EFNA5: variants seen among roughly 807,000 people sequenced by gnomAD.
EFNA5 encodes ephrin A5.
EFNA5 carries 5 observed loss-of-function variants against 22.9 expected under a neutral mutation model. The ratio of observed to expected loss-of-function variants is 0.22; its 90% CI spans 0.11 to 0.46. The LOEUF is 0.46. Among genes scored for constraint, EFNA5 ranks in the 20% least tolerant of loss-of-function variants. The probability of loss-of-function intolerance (pLI) is 0.99; values close to 1 mark genes in which losing one functional copy is unlikely to be tolerated. For missense variants in EFNA5, 237 were observed against 293.3 expected, an observed-to-expected ratio of 0.81 and a Z score of 1.40; for synonymous variants, 113 against 112.2, an observed-to-expected ratio of 1.01 and a Z score of -0.04.
chr5:107,562,449 A>C (rs1748569906), intron 1 of EFNA5, among the ~76,000 whole-genome samples: 1 of 152,074 alleles, frequency 6.6e-6, no homozygotes, highest in Non-Finnish European at 1.5e-5. Context: ...TTGTGAAATG[A>C]AGTTGAAAGT....
chr5:107,509,022 T>C (rs1747306693), intron 1 of EFNA5, among the ~76,000 whole-genome samples: 1 of 152,204 alleles, frequency 6.6e-6, no homozygotes, highest in Non-Finnish European at 1.5e-5. Flanking sequence ...AGGAGCAAAC[T>C]TCAGGTTTCA....
intron 1 of EFNA5, among the ~76,000 whole-genome samples, chr5:107,504,035 T>A (rs769672288): frequency 2.6e-5 from 4 of 152,276 alleles, no homozygotes; most frequent in Non-Finnish European, 5.9e-5. Flanking sequence ...CTTTTATACA[T>A]CAATCAGTCT....
intron 1 of EFNA5, among the ~76,000 whole-genome samples, chr5:107,534,289 T>C (rs1311069704): frequency 6.6e-6 from 1 of 152,208 alleles, no homozygotes; most frequent in Non-Finnish European, 1.5e-5. Flanking sequence ...CTTCCTTCTG[T>C]AAGGAACATT....
chr5:107,555,012 G>A (rs902780837), intron 1 of EFNA5, among the ~76,000 whole-genome samples: 3 of 152,114 alleles, frequency 2.0e-5, no homozygotes, highest in Admixed American at 6.6e-5. Flanking sequence ...CATTCAACTC[G>A]ATCTGGAGCT....
chr5:107,460,475 G>T (rs756040977), intron 1 of EFNA5, among the ~76,000 whole-genome samples: 36 of 152,292 alleles, frequency 2.4e-4, no homozygotes, highest in South Asian at 6.2e-4. Flanking sequence ...ATGAGGCTCA[G>T]TTGCAGTCTG....
chr5:107,486,008 A>G (rs1311037959), intron 1 of EFNA5, among the ~76,000 whole-genome samples: 2 of 152,212 alleles, frequency 1.3e-5, no homozygotes, highest in Non-Finnish European at 2.9e-5. Flanking sequence ...ACGTGCCAAG[A>G]CAATGTCATG....
chr5:107,670,143 C>A (rs1310174168), intron 1 of EFNA5, among the ~76,000 whole-genome samples: 1 of 151,910 alleles, frequency 6.6e-6, no homozygotes, highest in African/African-American at 2.4e-5. Context: ...ACTGGGGGCT[C>A]CCCGCGCCGG....
rs114574949 is a variant in EFNA5, at chr5:107,597,924, T to C, written c.125+72565A>G. Among the ~76,000 whole-genome samples the C allele has an allele frequency of 7.1e-3, 1,083 of 152,258 alleles. 15 individuals are homozygous for C. The highest frequency in any genetic ancestry group is 0.025 in the African/African-American group (1,057 of 41,558). ...GAAAAATGGAGAAGTATTAAACAAATGGAGAGACCTAATAATTATCTGTAA... is the reference window on the plus strand; with the variant it reads ...GAAAAATGGAGAAGTATTAAACAAACGGAGAGACCTAATAATTATCTGTAA... On this transcript the variant is annotated intron_variant, in intron 1 of 4. Coordinates refer to ENST00000333274, the MANE Select transcript of EFNA5 (RefSeq NM_001962.3).
chr5:107,653,357 T>G (rs1750770612), intron 1 of EFNA5, among the ~76,000 whole-genome samples: 1 of 152,160 alleles, frequency 6.6e-6, no homozygotes, highest in South Asian at 2.1e-4. Context: ...TGTAGTCAGC[T>G]TCCCTTTCCT....
At chr5:107,466,662 G>T (rs1282957304) in intron 1 of EFNA5, among the ~76,000 whole-genome samples, 2 of 152,120 alleles carry the variant, frequency 1.3e-5, no homozygotes, top group African/African-American at 4.8e-5. Context: ...TCTCCTGTTT[G>T]TACACCACTC....
chr5:107,533,299 CA>C (rs1747860107), intron 1 of EFNA5, among the ~76,000 whole-genome samples: 1 of 152,204 alleles, frequency 6.6e-6, no homozygotes, highest in Admixed American at 6.5e-5. Context: ...ATCTACATTC[CA>C]AGCACAACTG....
At chr5:107,385,401 C>A (rs1747586381) in intron 4 of EFNA5, among the ~76,000 whole-genome samples, 1 of 152,086 alleles carries the variant, frequency 6.6e-6, no homozygotes, top group African/African-American at 2.4e-5. Context: ...GGAAAAAAAA[C>A]CATGGGAAAG....
chr5:107,669,355 T>C (rs575765909), intron 1 of EFNA5, among the ~76,000 whole-genome samples: 1 of 152,076 alleles, frequency 6.6e-6, no homozygotes, highest in Non-Finnish European at 1.5e-5. Flanking sequence ...TCGGTACTAT[T>C]AATAAATAGC....
At chr5:107,470,616 T>C (rs990790787) in intron 1 of EFNA5, among the ~76,000 whole-genome samples, 3 of 152,224 alleles carry the variant, frequency 2.0e-5, no homozygotes, top group Non-Finnish European at 4.4e-5. Flanking sequence ...CTCTAAATTC[T>C]ATATCAATTC....
At chr5:107,581,521 A>C (rs1362264850) in intron 1 of EFNA5, among the ~76,000 whole-genome samples, 2 of 151,882 alleles carry the variant, frequency 1.3e-5, no homozygotes, top group Non-Finnish European at 2.9e-5. Flanking sequence ...GTTTCAATGA[A>C]AAGTGTTTAA....
intron 1 of EFNA5, among the ~76,000 whole-genome samples, chr5:107,591,826 A>AAAAT (rs1749331061): frequency 2.1e-5 from 2 of 96,582 alleles, no homozygotes; most frequent in South Asian, 2.7e-4. Context: ...GTCTCAAAAA[A>AAAAT]ATATATATAT....
At chr5:107,511,545 C>A (rs552946248) in intron 1 of EFNA5, among the ~76,000 whole-genome samples, 1 of 152,048 alleles carries the variant, frequency 6.6e-6, no homozygotes, top group Non-Finnish European at 1.5e-5. Context: ...CTAAAAAATA[C>A]ACTGATTTTG....
intron 1 of EFNA5, among the ~76,000 whole-genome samples, chr5:107,453,103 A>G (rs1308801377): frequency 1.3e-5 from 2 of 152,268 alleles, no homozygotes; most frequent in Middle Eastern, 3.4e-3. Context: ...ACAATACACT[A>G]TTTAACTGGA....
intron 1 of EFNA5, among the ~76,000 whole-genome samples, chr5:107,486,890 TCTC>T (rs759088603): frequency 3.9e-5 from 6 of 152,156 alleles, no homozygotes; most frequent in Non-Finnish European, 8.8e-5. Flanking sequence ...AATTTTAGGG[TCTC>T]CTCAGTGTAT....
Sources: gnomAD v4.1 joint callset for allele counts (sites outside exome capture counted in the v4.1 genomes callset) on GRCh38, gnomAD v4.1.1 for gene constraint, MANE v1.5 for transcripts, NCBI Gene and HGNC (gene_info 2026-07-23, HGNC 2026-07-21) for gene names.